Variants in GPC5 observed in about 807,000 individuals in gnomAD.
GPC5 encodes the protein glypican 5, also known as glypican-5.
A neutral mutation model predicts 53.9 loss-of-function variants in GPC5; 47 were observed. The observed-to-expected ratio is 0.87, with a 90% CI of 0.69 to 1.11. The LOEUF is 1.11. GPC5 is among the 50% of genes most tolerant of loss of function. GPC5 has a pLI of 0.00. For synonymous variants in GPC5, 286 were observed against 263.3 expected (o/e 1.09, Z -0.84); for missense variants, 748 against 713.1 (o/e 1.05, Z -0.56).
chr13:92,433,470 G>A (rs1877179380), intron 7 of GPC5, among the ~76,000 whole-genome samples: 1 of 152,310 alleles, frequency 6.6e-6, no homozygotes, highest in East Asian at 1.9e-4. Flanking sequence ...AGGAATTACT[G>A]ATCTGAGAGT....
At chr13:92,176,440 C>T (rs887001512) in intron 7 of GPC5, among the ~76,000 whole-genome samples, 1 of 152,182 alleles carries the variant, frequency 6.6e-6, no homozygotes, top group Non-Finnish European at 1.5e-5. Context: ...CTCCTAACCA[C>T]TGGGTACACA....
chr13:91,912,492 A>G (rs1346371206), intron 6 of GPC5, among the ~76,000 whole-genome samples: 1 of 152,314 alleles, frequency 6.6e-6, no homozygotes, highest in African/African-American at 2.4e-5. Context: ...GAAGGCATCT[A>G]GGCTTTTTTC....
chr13:92,463,752 A>C (rs1183248007), intron 7 of GPC5, among the ~76,000 whole-genome samples: 1 of 152,154 alleles, frequency 6.6e-6, no homozygotes, highest in African/African-American at 2.4e-5. Context: ...AATACTCCAC[A>C]AATAGCATTT....
chr13:92,384,886 T>G (rs2043779482), intron 7 of GPC5, among the ~76,000 whole-genome samples: 1 of 152,098 alleles, frequency 6.6e-6, no homozygotes, highest in Admixed American at 6.6e-5. Context: ...AGATATATAT[T>G]CAGTGATGCC....
chr13:92,588,763 T>C (rs942300810), intron 7 of GPC5, among the ~76,000 whole-genome samples: 1 of 152,194 alleles, frequency 6.6e-6, no homozygotes, highest in African/African-American at 2.4e-5. Context: ...TTTTTATAAT[T>C]ATCTGAAAAT....
intron 7 of GPC5, among the ~76,000 whole-genome samples, chr13:92,456,658 C>T (rs1878278950): frequency 6.6e-6 from 1 of 152,120 alleles, no homozygotes; most frequent in African/African-American, 2.4e-5. Flanking sequence ...TCAGACTGCT[C>T]ATCCATGAAG....
At chr13:91,472,627 A>T (rs547539737) in intron 2 of GPC5, among the ~76,000 whole-genome samples, 4 of 152,310 alleles carry the variant, frequency 2.6e-5, no homozygotes, top group Admixed American at 6.5e-5. Flanking sequence ...GCCAATACAT[A>T]TGTTATTTTT....
At chr13:91,463,077 T>C (rs1416055869) in intron 2 of GPC5, among the ~76,000 whole-genome samples, 1 of 152,034 alleles carries the variant, frequency 6.6e-6, no homozygotes, top group African/African-American at 2.4e-5. Flanking sequence ...GGGGGATTTG[T>C]TCCAGGACCC....
intron 7 of GPC5, among the ~76,000 whole-genome samples, chr13:92,784,671 G>T (rs555649943): frequency 7.2e-5 from 11 of 152,184 alleles, no homozygotes; most frequent in Middle Eastern, 3.4e-3. Flanking sequence ...CACTCAATAT[G>T]GAAGAAAGTT....
At chr13:92,634,730 C>T (rs547287430) in intron 7 of GPC5, among the ~76,000 whole-genome samples, 81 of 151,988 alleles carry the variant, frequency 5.3e-4, no homozygotes, top group Non-Finnish European at 1.1e-3. Context: ...TCTTTCTTAT[C>T]TCTCATTGCC....
At chr13:91,811,059 A>G (rs1189159807) in intron 5 of GPC5, among the ~76,000 whole-genome samples, 6 of 151,940 alleles carry the variant, frequency 3.9e-5, no homozygotes, top group African/African-American at 1.2e-4. Context: ...GTCTGCCTTC[A>G]TTAAATTTCA....
intron 7 of GPC5, among the ~76,000 whole-genome samples, chr13:92,252,753 G>A (rs2042701091): frequency 6.6e-6 from 1 of 152,058 alleles, no homozygotes. Context: ...GTTAAAAACA[G>A]CAATCGAAAA....
intron 2 of GPC5, among the ~76,000 whole-genome samples, chr13:91,657,115 A>G (rs1471129770): frequency 6.6e-6 from 1 of 152,160 alleles, no homozygotes; most frequent in Non-Finnish European, 1.5e-5. Flanking sequence ...TGATACAACT[A>G]GATTTGCATT....
chr13:91,673,344 TA>T (rs2035295893), intron 2 of GPC5, among the ~76,000 whole-genome samples: 1 of 152,200 alleles, frequency 6.6e-6, no homozygotes, highest in Admixed American at 6.5e-5. Context: ...ATATAACATT[TA>T]AAAAATTTAG....
chr13:92,569,839 T>G (rs1178295527), intron 7 of GPC5, among the ~76,000 whole-genome samples: 6 of 152,230 alleles, frequency 3.9e-5, no homozygotes, highest in Non-Finnish European at 8.8e-5. Flanking sequence ...GATTATGAAC[T>G]GATACAGCAC....
At chr13:91,789,403 G>A (rs1167428526) in intron 5 of GPC5, among the ~76,000 whole-genome samples, 4 of 152,070 alleles carry the variant, frequency 2.6e-5, no homozygotes, top group Non-Finnish European at 4.4e-5. Context: ...CTGCTCAATA[G>A]CTCTGATCTT....
chr13:92,774,824 T>C (rs1434757509), intron 7 of GPC5, among the ~76,000 whole-genome samples: 1 of 152,192 alleles, frequency 6.6e-6, no homozygotes, highest in East Asian at 1.9e-4. Flanking sequence ...AAATCATTTA[T>C]TTCTTATAGA....
chr13:92,253,834 A>T (rs2042708523), intron 7 of GPC5, among the ~76,000 whole-genome samples: 2 of 152,122 alleles, frequency 1.3e-5, no homozygotes, highest in South Asian at 2.1e-4. Context: ...TTTAAGAGAG[A>T]CCAAGATTAA....
intron 7 of GPC5, among the ~76,000 whole-genome samples, chr13:92,656,627 C>T (rs1022445733): frequency 8.5e-5 from 13 of 152,178 alleles, no homozygotes; most frequent in Admixed American, 8.5e-4. Context: ...AATGAATTAG[C>T]CTACTTCTAT....
Sources: allele counts gnomAD v4.1 joint callset (sites outside exome capture counted in the v4.1 genomes callset), GRCh38; gene constraint gnomAD v4.1.1; transcripts MANE v1.5; gene names NCBI Gene and HGNC (gene_info 2026-07-23, HGNC 2026-07-21).